Variants in MND1 observed in about 807,000 individuals in gnomAD.
MND1 encodes the protein meiotic nuclear divisions 1, also known as meiotic nuclear division protein 1 homolog.
MND1 carries 28 observed loss-of-function variants against 35.1 expected under a neutral mutation model. That is an observed-to-expected ratio of 0.80 (90% CI 0.59 to 1.09). The LOEUF (loss-of-function observed/expected upper bound fraction) is 1.09. MND1 is among the 50% of genes least tolerant of loss of function. The pLI, the probability that MND1 is intolerant of heterozygous loss-of-function variation, is 0.00. For missense variants in MND1, 213 were observed against 239.6 expected (o/e 0.89, Z 0.73); for synonymous variants, 69 against 70.5 (o/e 0.98, Z 0.11).
intron 7 of MND1, among the ~76,000 whole-genome samples, chr4:153,413,158 G>A (rs1729737648): frequency 6.6e-6 from 1 of 152,098 alleles, no homozygotes; most frequent in African/African-American, 2.4e-5. Context: ...TTCTGAGGTA[G>A]TAGGGGCTAG....
chr4:153,345,204 G>A (rs1773045365), intron 1 of MND1: 2 of 394,086 alleles, frequency 5.1e-6, no homozygotes, highest in South Asian at 1.0e-4. Flanking sequence ...CAAGTGGGCG[G>A]GAGGGACTGC....
intron 4 of MND1, among the ~76,000 whole-genome samples, chr4:153,381,266 A>C (rs1728673866): frequency 6.6e-6 from 1 of 151,866 alleles, no homozygotes; most frequent in African/African-American, 2.4e-5. Context: ...TGGGCTTCCA[A>C]ACCTTCCTCC....
chr4:153,407,865 C>T (rs191186594), intron 6 of MND1, among the ~76,000 whole-genome samples: 2 of 151,940 alleles, frequency 1.3e-5, no homozygotes, highest in East Asian at 1.9e-4. Context: ...TGCCAGGGGA[C>T]GGAGGGAGAA....
At chr4:153,350,816 A>G (rs1231414794) in intron 2 of MND1, among the ~76,000 whole-genome samples, 1 of 152,176 alleles carries the variant, frequency 6.6e-6, no homozygotes, top group African/African-American at 2.4e-5. Context: ...ATGGCTTGGC[A>G]GGACCTACAA....
chr4:153,345,718 T>C (rs976888494), intron 1 of MND1, among the ~76,000 whole-genome samples: 4 of 152,000 alleles, frequency 2.6e-5, no homozygotes, highest in Admixed American at 2.0e-4. Flanking sequence ...TCCAGTTGTA[T>C]GGTATTTATT....
intron 6 of MND1, among the ~76,000 whole-genome samples, chr4:153,408,693 G>A (rs1329963108): frequency 6.6e-6 from 1 of 151,802 alleles, no homozygotes; most frequent in African/African-American, 2.4e-5. Flanking sequence ...CAATGATGAT[G>A]GACACTTAGG....
intron 3 of MND1, among the ~76,000 whole-genome samples, chr4:153,358,208 A>T (rs1773393371): frequency 6.6e-6 from 1 of 152,180 alleles, no homozygotes; most frequent in African/African-American, 2.4e-5. Context: ...TTAGGATTAG[A>T]ACTCAGGTCC....
intron 6 of MND1, among the ~76,000 whole-genome samples, chr4:153,403,200 T>C (rs557494909): frequency 6.6e-6 from 1 of 152,092 alleles, no homozygotes; most frequent in Non-Finnish European, 1.5e-5. Flanking sequence ...TTCCTGGAAA[T>C]ATAGAAGGCC....
At chr4:153,363,118 C>A in intron 4 of MND1, 1 of 552,022 alleles carries the variant, frequency 1.8e-6, no homozygotes, top group Non-Finnish European at 2.3e-6. Flanking sequence ...TGACCCTTCA[C>A]ACCTGTTTTC....
intron 4 of MND1, among the ~76,000 whole-genome samples, chr4:153,388,680 C>T (rs184732062): frequency 7.8e-4 from 119 of 152,254 alleles, no homozygotes; most frequent in Non-Finnish European, 1.3e-3. Flanking sequence ...CTGGAGACCT[C>T]CACAGCCAGC....
At chr4:153,344,764 G>C (rs915130488) in intron 1 of MND1, 24 bp downstream of exon 1, 10 of 1,599,976 alleles carry the variant, frequency 6.3e-6, no homozygotes, top group Middle Eastern at 1.7e-4. Flanking sequence ...CTACGGTCCC[G>C]CGTCTTCTTC....
rs758765002 is a variant in MND1, at chr4:153,411,880, T to G, written c.511+2865T>G. ...AATAAATTATTTTTTTTCACTCTTA[T>G]GTCAACTTGAAGGCATAGGTTTTTC... On this transcript the variant is annotated intron_variant, in intron 7 of 7. Coordinates refer to ENST00000240488, the MANE Select transcript of MND1 (RefSeq NM_032117.4). Among the ~76,000 whole-genome samples, 4 of 152,354 alleles carry G rather than the reference T, an allele frequency of 2.6e-5. No individual in the cohort carries two copies. In the East Asian group the frequency reaches 7.7e-4, roughly 29 times the overall value.
intron 6 of MND1, among the ~76,000 whole-genome samples, chr4:153,408,025 C>T (rs979343597): frequency 3.3e-5 from 5 of 152,132 alleles, no homozygotes; most frequent in Non-Finnish European, 4.4e-5. Context: ...CCTGTAATCC[C>T]AGCACTTTAG....
chr4:153,386,277 G>A (rs1482333789), intron 4 of MND1, among the ~76,000 whole-genome samples: 1 of 149,646 alleles, frequency 6.7e-6, no homozygotes, highest in East Asian at 2.0e-4. Context: ...GATCGCATGA[G>A]ACCAGGAGTC....
intron 4 of MND1, among the ~76,000 whole-genome samples, chr4:153,378,804 AG>A (rs1235515169): frequency 6.6e-6 from 1 of 152,198 alleles, no homozygotes; most frequent in African/African-American, 2.4e-5. Context: ...ACCTGTATGG[AG>A]TCTCTGAAAG....
At chr4:153,362,073 C>T (rs924433342) in intron 4 of MND1, among the ~76,000 whole-genome samples, 1 of 152,160 alleles carries the variant, frequency 6.6e-6, no homozygotes, top group Non-Finnish European at 1.5e-5. Context: ...TGCTACTTAG[C>T]TGTTCATTAA....
Position 153,390,870 on chromosome 4 carries a change from C to A in MND1, c.277-3392C>A, listed in dbSNP as rs1383815631. Among the ~76,000 whole-genome samples the A allele has an allele frequency of 3.6e-5, 5 of 139,788 alleles. No homozygotes were observed. The East Asian group carries it at 8.3e-4, about 23-fold the overall frequency. 91.7% of individuals were successfully genotyped at this position (139,788 alleles called of 152,430 possible). A position where few individuals can be genotyped will look rare whatever the true frequency, so the allele number is the denominator to read the frequency against. On this transcript the variant is annotated intron_variant, in intron 4 of 7. Coordinates refer to ENST00000240488, the MANE Select transcript of MND1 (RefSeq NM_032117.4). ...ACAAAAAAACAGAACCAGCCCGTCTCAAAAAAAAAGGTATATATATGTGTG... is the reference window on the plus strand; with the variant it reads ...ACAAAAAAACAGAACCAGCCCGTCTAAAAAAAAAAGGTATATATATGTGTG...
chr4:153,413,697 A>AG (rs1203683013), intron 7 of MND1, among the ~76,000 whole-genome samples: 1 of 151,896 alleles, frequency 6.6e-6, no homozygotes, highest in East Asian at 1.9e-4. Context: ...GAAAAAAAAA[A>AG]AAAGGAAAAA....
chr4:153,411,565 G>C (rs563200619), intron 7 of MND1, among the ~76,000 whole-genome samples: 1 of 152,072 alleles, frequency 6.6e-6, no homozygotes, highest in South Asian at 2.1e-4. Context: ...GTTTTTATTT[G>C]TTCTTTTTCT....
Sources: gnomAD v4.1 joint callset for allele counts (sites outside exome capture counted in the v4.1 genomes callset) on GRCh38, gnomAD v4.1.1 for gene constraint, MANE v1.5 for transcripts, NCBI Gene and HGNC (gene_info 2026-07-23, HGNC 2026-07-21) for gene names.